The following SLC9A4 variants were observed in gnomAD, a reference collection of about 807,000 sequenced individuals.
The protein encoded by SLC9A4 is solute carrier family 9 member A4.
Under a neutral mutation model 67.4 loss-of-function variants are expected in SLC9A4, and 63 were observed. The observed-to-expected ratio is 0.93, with a 90% CI of 0.76 to 1.15. The LOEUF is 1.15. Among genes scored for constraint, SLC9A4 ranks in the 50% most tolerant of loss-of-function variants. The probability of loss-of-function intolerance (pLI) is 0.00; values close to 1 mark genes in which losing one functional copy is unlikely to be tolerated. For missense variants in SLC9A4, 1,089 were observed against 987.7 expected (o/e 1.10, Z -1.38); for synonymous variants, 393 against 367.2 (o/e 1.07, Z -0.80).
intron 2 of SLC9A4, 22 bp from the exon 3 acceptor site, chr2:102,503,426 G>T: frequency 6.5e-7 from 1 of 1,550,244 alleles, no homozygotes; most frequent in Non-Finnish European, 8.8e-7. Context: ...ATTCATATTT[G>T]TTTACTCTCT....
chr2:102,524,750 G>A (rs1477515674), intron 9 of SLC9A4, among the ~76,000 whole-genome samples: 2 of 152,246 alleles, frequency 1.3e-5, no homozygotes, highest in Admixed American at 6.5e-5. Flanking sequence ...GGCAGGCCAA[G>A]TCTGTGGGTA....
chr2:102,479,190 TCTC>T lies in SLC9A4; in HGVS notation c.610_612del (p.Ser204del), dbSNP rs1466673187. The stretch of plus-strand genomic sequence containing the variant: ...CAGAACCTGCTGTTCGGCAGCCTGA[TCTC>T]CGCCGTGGACCCAGTGGCCGTGCTA... On this transcript the variant is annotated inframe_deletion, in exon 2 of 12. Transcript: ENST00000295269. The T allele has an allele frequency of 6.2e-7, 1 of 1,614,168 alleles. No individual in the cohort carries two copies. Among genetic ancestry groups the T allele is most frequent in the East Asian group, 2.2e-5 (1 of 44,876 alleles).
intron 10 of SLC9A4, among the ~76,000 whole-genome samples, chr2:102,525,565 G>A (rs1169626518): frequency 6.6e-6 from 1 of 151,864 alleles, no homozygotes; most frequent in African/African-American, 2.4e-5. Context: ...GTATAGGAAG[G>A]GATTGGTTGT....
At chr2:102,498,314 T>C (rs1684853236) in intron 2 of SLC9A4, among the ~76,000 whole-genome samples, 1 of 152,268 alleles carries the variant, frequency 6.6e-6, no homozygotes, top group Non-Finnish European at 1.5e-5. Flanking sequence ...CTTTAGCTTC[T>C]GAAACTGCCA....
At chr2:102,528,564 C>T (rs920333251) in intron 11 of SLC9A4, among the ~76,000 whole-genome samples, 4 of 152,036 alleles carry the variant, frequency 2.6e-5, no homozygotes, top group Non-Finnish European at 4.4e-5. Flanking sequence ...CATGCCTGGA[C>T]GACAGTTATT....
At chr2:102,484,863 C>T (rs1684552796) in intron 2 of SLC9A4, among the ~76,000 whole-genome samples, 1 of 152,162 alleles carries the variant, frequency 6.6e-6, no homozygotes, top group Admixed American at 6.5e-5. Flanking sequence ...CCACCCGGTA[C>T]TTCCCCTTTT....
In SLC9A4 at chr2:102,514,208, G is replaced by T. The variant is rs1034607886; in HGVS notation, c.1678G>T (p.Glu560Ter). The change falls in exon 8 of 12, where the codon GAG (glutamate) becomes TAG (stop). Residue 560 changes from glutamate (E) to a stop codon, truncating the protein, a stop_gained. Transcript: ENST00000295269. LOFTEE classifies it high-confidence loss of function. ...LEMKQAIEMV[E>*]TGILSSTAFS... ...AATGAAGCAAGCCATCGAGATGGTG[G>T]AGACTGGGATACTGAGCTCTACAGC... is the stretch of plus-strand genomic sequence containing the variant. The T allele has an allele frequency of 2.4e-5, 38 of 1,614,122 alleles. No individual in the cohort carries two copies. The highest frequency in any genetic ancestry group is 3.2e-5 in the Non-Finnish European group (38 of 1,180,010).
chr2:102,507,183 G>A (rs9989749), intron 4 of SLC9A4, among the ~76,000 whole-genome samples: 113,824 of 151,620 alleles, frequency 0.75, 43,098 homozygotes, highest in Middle Eastern at 0.8. Flanking sequence ...GCATGGAGAG[G>A]AACCAGGACA....
chr2:102,490,243 G>C (rs1255370764), intron 2 of SLC9A4, among the ~76,000 whole-genome samples: 7 of 152,324 alleles, frequency 4.6e-5, no homozygotes, highest in Admixed American at 6.5e-5. Flanking sequence ...ATAGCCCTCT[G>C]TATTAGCCCT....
intron 2 of SLC9A4, among the ~76,000 whole-genome samples, chr2:102,497,954 T>C (rs1422055225): frequency 6.6e-6 from 1 of 152,214 alleles, no homozygotes; most frequent in Non-Finnish European, 1.5e-5. Flanking sequence ...CTTTGCAAAC[T>C]TTTACAGTGG....
At position 102,505,378 on chromosome 2, in the gene SLC9A4, T is replaced by G. The variant is rs943978123; in HGVS notation, c.1105T>G (p.Phe369Val). 3 of 1,614,108 alleles carry G rather than the reference T, an allele frequency of 1.9e-6. No homozygotes were observed. The African/African-American group carries it at 4.0e-5, about 22-fold the overall frequency. Residue 369 changes from phenylalanine to valine, a missense_variant, in exon 4 of 12, where the codon TTC becomes GTC. Physicochemically the swap from Phe to Val is conservative, Grantham distance 50. Coordinates refer to ENST00000295269, the MANE Select transcript of SLC9A4 (RefSeq NM_001011552.4). ...CGTCAGCGAGACCTTGATCTTCATC[T>G]TCATGGGTGTGTCCACTGTGGGCAA... Reference protein sequence around the residue: ...SSVSETLIFIFMGVSTVGKNH... With the variant: ...SSVSETLIFIVMGVSTVGKNH...
Position 102,479,212 on chromosome 2 carries a change from C to T in SLC9A4, c.630C>T (p.Ala210=), listed in dbSNP as rs766734898. ...GSLISAVDPV[A]VLAVFEEARV... ...TGATCTCCGCCGTGGACCCAGTGGC[C>T]GTGCTAGCCGTGTTTGAGGAAGCGC... The change falls in exon 2 of 12, where the codon GCC becomes GCT. Residue 210 remains alanine, a synonymous_variant. Transcript: ENST00000295269. The T allele has an allele frequency of 1.5e-5, 24 of 1,614,048 alleles. 1 individual carries two copies. In the South Asian group the frequency reaches 2.4e-4, roughly 16 times the overall value.
chr2:102,532,217 T>G, intron 11 of SLC9A4, 113 bp from the exon 12 acceptor site: 1 of 1,229,692 alleles, frequency 8.1e-7, no homozygotes, highest in Non-Finnish European at 1.1e-6. Flanking sequence ...AGTGTAGAGC[T>G]GAAACCTCAG....
intron 11 of SLC9A4, 81 bp downstream of exon 11, chr2:102,526,427 C>T: frequency 1.6e-6 from 2 of 1,260,080 alleles, no homozygotes; most frequent in Admixed American, 1.7e-5. Context: ...CAAGAGGCAA[C>T]ATTAAGAACA....
At position 102,479,226 on chromosome 2, in the gene SLC9A4, T is replaced by C; in HGVS notation, c.644T>C (p.Phe215Ser). 6.2e-7 allele frequency: 1 copy of C among 1,614,206 alleles called. No individual in the cohort carries two copies. Among genetic ancestry groups the C allele is most frequent in the Non-Finnish European group, 8.5e-7 (1 of 1,180,046 alleles). The change falls in exon 2 of 12, where the codon TTT becomes TCT. Residue 215 changes from phenylalanine (F) to serine (S), a missense_variant. Coordinates refer to ENST00000295269, the MANE Select transcript of SLC9A4 (RefSeq NM_001011552.4). The part of the protein sequence containing the change: ...AVDPVAVLAV[F>S]EEARVNEQLY... ...GACCCAGTGGCCGTGCTAGCCGTGT[T>C]TGAGGAAGCGCGCGTGAACGAGCAG...
Position 102,473,775 on chromosome 2 carries a change from T to C in SLC9A4, c.16T>C (p.Phe6Leu). Residue 6 changes from phenylalanine (F) to leucine (L), a missense_variant, in exon 1 of 12, where the codon TTC (phenylalanine) becomes CTC (leucine). Phe to Leu is a conservative substitution (Grantham distance 22, BLOSUM62 0). Transcript: ENST00000295269. ...GCCCACAGGAATGGCTCTGCAGATG[T>C]TCGTGACTTACAGTCCTTGGAATTG... Reference protein sequence around the residue: MALQMFVTYSPWNCLL... With the variant: MALQMLVTYSPWNCLL... The C allele has an allele frequency of 6.2e-7, 1 of 1,613,986 alleles. No individual in the cohort carries two copies. Among genetic ancestry groups the C allele is most frequent in the Non-Finnish European group, 8.5e-7 (1 of 1,179,912 alleles).
Position 102,532,493 on chromosome 2 carries a change from A to G in SLC9A4, c.2202A>G (p.Glu734=), listed in dbSNP as rs1674798836. The G allele has an allele frequency of 6.2e-7, 1 of 1,614,082 alleles. No homozygotes were observed. Among genetic ancestry groups the G allele is most frequent in the Non-Finnish European group, 8.5e-7 (1 of 1,180,036 alleles). The part of the protein sequence containing the change: ...SFGYQRNTSQ[E]EYLGGVRRVA... The stretch of plus-strand genomic sequence containing the variant: ...GTTATCAAAGAAACACAAGCCAAGA[A>G]GAGTACTTGGGTGGAGTAAGGAGGG... Residue 734 remains glutamate (E), a synonymous_variant, in exon 12 of 12, where the codon GAA becomes GAG. Coordinates refer to ENST00000295269, the MANE Select transcript of SLC9A4 (RefSeq NM_001011552.4).
At position 102,492,231 on chromosome 2, in the gene SLC9A4, G is replaced by A. The variant is rs569419269; in HGVS notation, c.721-11217G>A. ...CTGCCATTCTGGGGTCTGGAGGCCT[G>A]TGGCCTTCTTCTCACAGCCCCACTA... is the stretch of plus-strand genomic sequence containing the variant. On this transcript the variant is annotated intron_variant, in intron 2 of 11. Transcript: ENST00000295269. Among the ~76,000 whole-genome samples the A allele has an allele frequency of 1.5e-3, 223 of 152,352 alleles. 3 individuals are homozygous for A. Among genetic ancestry groups the A allele is most frequent in the African/African-American group, 4.7e-3 (194 of 41,594 alleles).
intron 6 of SLC9A4, among the ~76,000 whole-genome samples, chr2:102,510,450 T>G (rs1360269637): frequency 1.3e-5 from 2 of 152,178 alleles, no homozygotes; most frequent in Non-Finnish European, 2.9e-5. Context: ...CAAGTAGGAT[T>G]TTTTCTTCAT....
Sources: allele counts gnomAD v4.1 joint callset (sites outside exome capture counted in the v4.1 genomes callset), GRCh38; gene constraint gnomAD v4.1.1; transcripts MANE v1.5; gene names NCBI Gene and HGNC (gene_info 2026-07-23, HGNC 2026-07-21).